C1QTNF3: variants seen among roughly 807,000 people sequenced by gnomAD.
The protein encoded by C1QTNF3 is complement C1q tumor necrosis factor-related protein 3.
A neutral mutation model predicts 32.6 loss-of-function variants in C1QTNF3; 26 were observed. That is an observed-to-expected ratio of 0.80 (90% confidence interval 0.58 to 1.11). C1QTNF3 has a LOEUF of 1.11. Among genes scored for constraint, C1QTNF3 ranks in the 50% least tolerant of loss-of-function variants. The pLI, the probability that C1QTNF3 is intolerant of heterozygous loss-of-function variation, is 0.00. For missense variants in C1QTNF3, 362 were observed against 398.2 expected, an observed-to-expected ratio of 0.91 and a Z score of 0.77; for synonymous variants, 155 against 146.0, an observed-to-expected ratio of 1.06 and a Z score of -0.44.
chr5:34,166,470 T>C, the C1QTNF3 span: 2 of 152,124 alleles, frequency 1.3e-5, no homozygotes, highest in South Asian at 2.1e-4. Context: ...TCGACTTATA[T>C]AGAACATGGA....
chr5:34,134,476 T>C, the C1QTNF3 span, among the ~76,000 whole-genome samples: 1 of 152,174 alleles, frequency 6.6e-6, no homozygotes, highest in Non-Finnish European at 1.5e-5. Flanking sequence ...AAGTCACTTC[T>C]GTCACTGATC....
chr5:34,078,327 G>A, the C1QTNF3 span, among the ~76,000 whole-genome samples: 2 of 151,792 alleles, frequency 1.3e-5, no homozygotes, highest in Non-Finnish European at 2.9e-5. The surrounding 1 kb of genome is among the most constrained non-coding windows in gnomAD (Gnocchi z 4.0). Flanking sequence ...TCCCACTGCT[G>A]TAAAGACACT....
chr5:34,042,784 A>G, intron 1 of C1QTNF3, 39 bp downstream of exon 1: 2 of 1,565,508 alleles, frequency 1.3e-6, no homozygotes, highest in Non-Finnish European at 1.7e-6. Flanking sequence ...AACACTCATT[A>G]AGCTTTCACA....
At chr5:34,179,526 G>A in the C1QTNF3 span, among the ~76,000 whole-genome samples, 20 of 149,904 alleles carry the variant, frequency 1.3e-4, no homozygotes, top group African/African-American at 2.7e-4. Flanking sequence ...GAAAAGAAAA[G>A]AAAAAAAAAA....
At chr5:34,080,413 A>T in the C1QTNF3 span, among the ~76,000 whole-genome samples, 2 of 151,806 alleles carry the variant, frequency 1.3e-5, no homozygotes, top group Non-Finnish European at 2.9e-5. Flanking sequence ...GTTTAGCTCC[A>T]GAGCCTGTGC....
At chr5:34,131,025 C>T in the C1QTNF3 span, among the ~76,000 whole-genome samples, 1 of 152,312 alleles carries the variant, frequency 6.6e-6, no homozygotes, top group South Asian at 2.1e-4. Flanking sequence ...GATTATTATC[C>T]TTGCCCTAGG....
At chr5:34,177,454 C>A in the C1QTNF3 span, among the ~76,000 whole-genome samples, 1 of 146,356 alleles carries the variant, frequency 6.8e-6, no homozygotes, top group African/African-American at 2.5e-5. Context: ...GTAGCTGGGA[C>A]TAGAGGCAAG....
the C1QTNF3 span, among the ~76,000 whole-genome samples, chr5:34,062,989 G>C: frequency 6.6e-6 from 1 of 151,900 alleles, no homozygotes; most frequent in Non-Finnish European, 1.5e-5. Context: ...GAATGCATTT[G>C]GGCCATCCAT....
the C1QTNF3 span, among the ~76,000 whole-genome samples, chr5:34,222,830 T>A: frequency 6.6e-6 from 1 of 151,962 alleles, no homozygotes; most frequent in Non-Finnish European, 1.5e-5. Context: ...GCAAACTGGC[T>A]AGCAATAAAT....
At chr5:34,057,680 T>G in the C1QTNF3 span, among the ~76,000 whole-genome samples, 1 of 152,238 alleles carries the variant, frequency 6.6e-6, no homozygotes, top group Non-Finnish European at 1.5e-5. Flanking sequence ...GGGCTCTTTT[T>G]GGTGACTAGG....
At chr5:34,209,725 C>CAT in the C1QTNF3 span, among the ~76,000 whole-genome samples, 4 of 152,020 alleles carry the variant, frequency 2.6e-5, no homozygotes, top group East Asian at 7.7e-4. Flanking sequence ...TCTTCCGGAT[C>CAT]ATATATATAG....
the C1QTNF3 span, among the ~76,000 whole-genome samples, chr5:34,173,207 T>G: frequency 6.6e-6 from 1 of 152,158 alleles, no homozygotes. Flanking sequence ...ATATTAGATT[T>G]CCGCATGTAT....
chr5:34,051,418 A>G, the C1QTNF3 span, among the ~76,000 whole-genome samples: 2 of 152,224 alleles, frequency 1.3e-5, no homozygotes, highest in South Asian at 4.1e-4. Context: ...GGAAATAACA[A>G]TATCATGATT....
chr5:34,038,458 A>AAG (rs1479985559), intron 1 of C1QTNF3, among the ~76,000 whole-genome samples: 1 of 152,202 alleles, frequency 6.6e-6, no homozygotes, highest in Admixed American at 6.5e-5. Flanking sequence ...TTATTAAAAA[A>AAG]AGAGAGAGAA....
the C1QTNF3 span, among the ~76,000 whole-genome samples, chr5:34,197,441 T>C: frequency 2.0e-5 from 3 of 152,202 alleles, no homozygotes; most frequent in Non-Finnish European, 4.4e-5. Context: ...AAGCAAATAA[T>C]TAGTGGAGTT....
the C1QTNF3 span, among the ~76,000 whole-genome samples, chr5:34,059,169 G>A: frequency 6.6e-6 from 1 of 152,118 alleles, no homozygotes; most frequent in Non-Finnish European, 1.5e-5. Flanking sequence ...TTGGGGGCTG[G>A]GAGCCCAAGA....
chr5:34,238,960 C>T, the C1QTNF3 span, among the ~76,000 whole-genome samples: 1 of 152,168 alleles, frequency 6.6e-6, no homozygotes, highest in South Asian at 2.1e-4. Flanking sequence ...AAAAACCTTA[C>T]AAGCCAGAAG....
the C1QTNF3 span, among the ~76,000 whole-genome samples, chr5:34,073,326 CA>C: frequency 0.11 from 8,694 of 78,440 alleles, 499 homozygotes; most frequent in African/African-American, 0.26. Context: ...GACTCCGTCT[CA>C]AAAAAAAAAA....
the C1QTNF3 span, among the ~76,000 whole-genome samples, chr5:34,210,987 G>A: frequency 6.6e-6 from 1 of 151,652 alleles, no homozygotes; most frequent in Non-Finnish European, 1.5e-5. Context: ...AATCTTAACA[G>A]ACAAATCCAA....
Sources: gnomAD v4.1 joint callset for allele counts (sites outside exome capture counted in the v4.1 genomes callset) on GRCh38, gnomAD v4.1.1 for gene constraint, Gnocchi (gnomAD v3.1) non-coding constraint, MANE v1.5 for transcripts, NCBI Gene and HGNC (gene_info 2026-07-23, HGNC 2026-07-21) for gene names.